C6orf120: variants seen among roughly 807,000 people sequenced by gnomAD.
C6orf120 encodes UPF0669 protein C6orf120.
For synonymous variants in C6orf120, 165 were observed against 123.1 expected, an observed-to-expected ratio of 1.34 and a Z score of -2.25; for missense variants, 311 against 264.2, an observed-to-expected ratio of 1.18 and a Z score of -1.23.
downstream of C6orf120, among the ~76,000 whole-genome samples, chr6:169,706,191 A>G (rs80278708): frequency 1.9e-3 from 295 of 152,318 alleles, no homozygotes; most frequent in African/African-American, 6.5e-3. Context: ...AAGTTAAAAA[A>G]TCAGCTTATC....
downstream of C6orf120, chr6:169,705,247 A>T: frequency 6.2e-7 from 1 of 1,613,452 alleles, no homozygotes; most frequent in Non-Finnish European, 8.5e-7. Context: ...CATGTTTTAC[A>T]TTCCATACAC....
At chr6:169,702,663 G>A (rs143772098) in exon 1 of C6orf120, 1 of 1,613,422 alleles carries the variant, frequency 6.2e-7, no homozygotes, top group Non-Finnish European at 8.5e-7. Flanking sequence ...TAGTCCTCAG[G>A]ATGCGCAGCC....
chr6:169,702,939 C>G, exon 1 of C6orf120: 1 of 1,611,882 alleles, frequency 6.2e-7, no homozygotes, highest in Non-Finnish European at 8.5e-7. Context: ...GCCAGAAGCA[C>G]GCTGGTGCCC....
rs376263590 is a variant in C6orf120 at position 169,703,976 on chromosome 6, T to C, written c.*941T>C. The C allele has an allele frequency of 7.4e-6, 11 of 1,489,556 alleles. No homozygotes were observed. The African/African-American group carries it at 1.3e-4, about 17-fold the overall frequency. The allele number at this position is 1,489,556 out of a possible 1,614,324, so 92.3% of individuals were successfully genotyped here. A position where few individuals can be genotyped will look rare whatever the true frequency, so the allele number is the denominator to read the frequency against. Reference sequence around the variant, plus strand: ...GCACCAAATATTCCACTTAAATGCATATACAGTATTAGAGTCAAAAACTAT... The same window carrying C: ...GCACCAAATATTCCACTTAAATGCACATACAGTATTAGAGTCAAAAACTAT... On this transcript the variant is annotated 3_prime_UTR_variant, in exon 1 of 1. Transcript: ENST00000332290.
downstream of C6orf120, chr6:169,705,706 C>A: frequency 1.3e-6 from 2 of 1,571,918 alleles, no homozygotes; most frequent in Non-Finnish European, 1.8e-6. Context: ...CCACATATAG[C>A]ATTTGGAATG....
At chr6:169,703,964 C>T in exon 1 of C6orf120, 1 of 1,420,430 alleles carries the variant, frequency 7.0e-7, no homozygotes, top group Middle Eastern at 1.8e-4. Context: ...CCAAATATTC[C>T]ACTTAAATGC....
At chr6:169,702,480 G>A (rs748298467) in exon 1 of C6orf120, 2 of 1,567,498 alleles carry the variant, frequency 1.3e-6, no homozygotes, top group Non-Finnish European at 1.7e-6. Flanking sequence ...CCCGCGGGAG[G>A]GCCGCGCCCT....
Position 169,702,524 on chromosome 6 carries a change from A to G in C6orf120, c.65A>G (p.Gln22Arg), listed in dbSNP as rs766955060. ...GCCCTGCTGCTGCTCCTAGCCTCGCAGGTCCTGTCTCCGGGAAGCTGCGCG... is the reference window on the plus strand; with the variant it reads ...GCCCTGCTGCTGCTCCTAGCCTCGCGGGTCCTGTCTCCGGGAAGCTGCGCG... Residue 22 changes from glutamine (Q) to arginine (R), a missense_variant, in exon 1 of 1, where the codon CAG becomes CGG. Gln to Arg is a conservative substitution (Grantham distance 43). Coordinates refer to ENST00000332290, the Ensembl canonical transcript of C6orf120. 3.7e-6 allele frequency: 6 copies of G among 1,610,528 alleles called. No individual in the cohort carries two copies. The South Asian group carries it at 6.6e-5, about 18-fold the overall frequency.
At position 169,702,248 on chromosome 6, in the gene C6orf120, G is replaced by A; in HGVS notation, c.-212G>A. ...CTGCCCCTGCCCCTGCCCCTGCCCT[G>A]AGTGGGCGCCGCGCTACGGGGGAGG... On this transcript the variant is annotated 5_prime_UTR_variant, in exon 1 of 1. The change abolishes the stop of an existing upstream ORF in the 5' untranslated region. Transcript: ENST00000332290. 1 of 681,794 alleles carries A rather than the reference G, an allele frequency of 1.5e-6. No individual in the cohort carries two copies. The highest frequency in any genetic ancestry group is 2.7e-6 in the Non-Finnish European group (1 of 376,254). The allele number at this position is 681,794 out of a possible 1,614,324, so 42.2% of individuals were successfully genotyped here. A position where few individuals can be genotyped will look rare whatever the true frequency, so the allele number is the denominator to read the frequency against.
chr6:169,705,418 G>T, downstream of C6orf120: 1 of 854,182 alleles, frequency 1.2e-6, no homozygotes, highest in Non-Finnish European at 1.9e-6. Flanking sequence ...CCAGAGAATG[G>T]CTATAATGTC....
chr6:169,703,322 TATA>T, exon 1 of C6orf120: 1 of 445,520 alleles, frequency 2.2e-6, no homozygotes, highest in South Asian at 3.2e-5. Flanking sequence ...AACAGGTTTA[TATA>T]AAATAGAGCA....
exon 1 of C6orf120, chr6:169,704,151 A>G: frequency 8.0e-7 from 1 of 1,254,244 alleles, no homozygotes; most frequent in Non-Finnish European, 1.1e-6. Flanking sequence ...TTTTAAGCCC[A>G]TCTAAACTCT....
chr6:169,702,246 C>G (rs767904166), exon 1 of C6orf120: 48 of 692,940 alleles, frequency 6.9e-5, no homozygotes, highest in Non-Finnish European at 1.2e-4. Context: ...TGCCCCTGCC[C>G]TGAGTGGGCG....
chr6:169,705,023 C>T, downstream of C6orf120: 1 of 723,782 alleles, frequency 1.4e-6, no homozygotes, highest in South Asian at 2.4e-5. Context: ...CATATTTGCA[C>T]ATAAGAGTCC....
downstream of C6orf120, chr6:169,705,264 G>C: frequency 6.2e-7 from 1 of 1,613,308 alleles, no homozygotes; most frequent in Non-Finnish European, 8.5e-7. Flanking sequence ...ACACTGCCAT[G>C]GGTAGGTCTT....
At chr6:169,705,757 C>G (rs566759957), downstream of C6orf120, 1 of 1,013,338 alleles carries the variant, frequency 9.9e-7, no homozygotes, top group East Asian at 2.4e-5. Context: ...TAAATTCATG[C>G]CAGAAGAGCT....
exon 1 of C6orf120, chr6:169,702,615 G>C: frequency 6.2e-7 from 1 of 1,613,360 alleles, no homozygotes; most frequent in South Asian, 1.1e-5. Flanking sequence ...TAGGCGCCGG[G>C]AACTACAGCT....
exon 1 of C6orf120, chr6:169,702,325 C>A: frequency 1.6e-6 from 1 of 644,746 alleles, no homozygotes; most frequent in South Asian, 1.8e-5. Flanking sequence ...AAGGGACAGT[C>A]CCAGCGACAG....
At chr6:169,702,510 G>A in exon 1 of C6orf120, 1 of 1,605,490 alleles carries the variant, frequency 6.2e-7, no homozygotes, top group Non-Finnish European at 8.5e-7. Flanking sequence ...CCCTGCTGCT[G>A]CTCCTAGCCT....
Sources: allele counts gnomAD v4.1 joint callset (sites outside exome capture counted in the v4.1 genomes callset), GRCh38; gene constraint gnomAD v4.1.1; transcripts MANE v1.5; gene names NCBI Gene and HGNC (gene_info 2026-07-23, HGNC 2026-07-21).